RPTOR: variants seen among roughly 807,000 people sequenced by gnomAD.
RPTOR encodes the protein regulatory-associated protein of mTOR.
A neutral mutation model predicts 169.9 loss-of-function variants in RPTOR; 21 were observed. That is an observed-to-expected ratio of 0.12 (90% CI 0.09 to 0.18). The LOEUF (loss-of-function observed/expected upper bound fraction) is 0.18, where lower values mean the gene tolerates loss of function less well. RPTOR is among the 10% of genes least tolerant of loss of function. The pLI, the probability that RPTOR is intolerant of heterozygous loss-of-function variation, is 1.00. For missense variants in RPTOR, 1,133 were observed against 1,855.9 expected (o/e 0.61, Z 7.16); for synonymous variants, 732 against 753.2 (o/e 0.97, Z 0.46).
At chr17:80,674,482 G>T (rs185403155) in intron 3 of RPTOR, among the ~76,000 whole-genome samples, 304 of 152,308 alleles carry the variant, frequency 2.0e-3, no homozygotes, top group Non-Finnish European at 3.2e-3. Flanking sequence ...TTATGGAAGG[G>T]TGGGGTGGAT....
chr17:80,612,318 A>G lies in RPTOR; in HGVS notation c.163-13373A>G, dbSNP rs145872723. Among the ~76,000 whole-genome samples the G allele has an allele frequency of 9.2e-3, 1,404 of 152,180 alleles. 20 individuals carry two copies. Among genetic ancestry groups the G allele is most frequent in the African/African-American group, 0.032 (1,347 of 41,508 alleles). On this transcript the variant is annotated intron_variant, in intron 1 of 33. Transcript: ENST00000306801. ...CTAATTAAAAAATTTTTTTGTAGAG[A>G]CAGGGTCTTGCTGTGTTGCCCAGGC...
At chr17:80,964,156 A>G in intron 33 of RPTOR, 106 bp from the exon 34 acceptor site, 1 of 991,450 alleles carries the variant, frequency 1.0e-6, no homozygotes, top group Non-Finnish European at 1.6e-6. Context: ...GGTTCCTGAG[A>G]CCCCGGCAGG....
intron 1 of RPTOR, among the ~76,000 whole-genome samples, chr17:80,549,111 A>G (rs1294098614): frequency 6.6e-6 from 1 of 152,164 alleles, no homozygotes; most frequent in African/African-American, 2.4e-5. Flanking sequence ...GATTCCTGCC[A>G]TCTTTGTTTT....
At chr17:80,706,733 T>C (rs1204469093) in intron 3 of RPTOR, among the ~76,000 whole-genome samples, 2 of 152,218 alleles carry the variant, frequency 1.3e-5, no homozygotes, top group African/African-American at 4.8e-5. Context: ...CTGTTTGTTT[T>C]TCCCTGTGAC....
intron 3 of RPTOR, among the ~76,000 whole-genome samples, chr17:80,669,915 G>A (rs2143677604): frequency 6.6e-6 from 1 of 152,086 alleles, no homozygotes; most frequent in East Asian, 1.9e-4. Context: ...TGCCTCTTTA[G>A]GCCTGGCCTC....
chr17:80,796,398 C>T (rs1344106842), intron 7 of RPTOR, among the ~76,000 whole-genome samples: 1 of 152,106 alleles, frequency 6.6e-6, no homozygotes, highest in Non-Finnish European at 1.5e-5. Context: ...TTCTGCATGG[C>T]TAGGGAGGCC....
At position 80,885,821 on chromosome 17, in the gene RPTOR, G is replaced by T. The variant is rs149421099; in HGVS notation, c.1983+673G>T. 2.4e-3 allele frequency among the ~76,000 whole-genome samples: 361 copies of T among 152,328 alleles called. 1 individual carries two copies. The highest frequency in any genetic ancestry group is 8.4e-3 in the African/African-American group (351 of 41,576). On this transcript the variant is annotated intron_variant, in intron 17 of 33. Transcript: ENST00000306801. ...CTCCCAAAGTGCTGAGATTACAGGC[G>T]TGAGCCACCGCGCCCGGCCAAAACA...
chr17:80,941,584 C>G (rs1277942557), intron 25 of RPTOR, among the ~76,000 whole-genome samples: 1 of 152,250 alleles, frequency 6.6e-6, no homozygotes, highest in Non-Finnish European at 1.5e-5. Flanking sequence ...GCTGGGGGAC[C>G]TCAAGCTGCC....
At chr17:80,753,714 C>G (rs896864550) in intron 5 of RPTOR, among the ~76,000 whole-genome samples, 1 of 150,994 alleles carries the variant, frequency 6.6e-6, no homozygotes, top group Admixed American at 6.6e-5. Flanking sequence ...GTGATACAAT[C>G]CTGGGGTAAG....
chr17:80,678,712 G>C (rs1300498890), intron 3 of RPTOR, among the ~76,000 whole-genome samples: 2 of 152,212 alleles, frequency 1.3e-5, no homozygotes, highest in Non-Finnish European at 2.9e-5. Flanking sequence ...GTTGTTTGTT[G>C]GTTCTTGGGT....
intron 13 of RPTOR, among the ~76,000 whole-genome samples, chr17:80,877,008 TCGCCTGCTGGG>T: frequency 7.1e-6 from 1 of 141,388 alleles, no homozygotes; most frequent in Non-Finnish European, 1.5e-5. Flanking sequence ...GGTGTGTGTG[TCGCCTGCTGGG>T]TCTTCCCACC....
At chr17:80,903,048 C>G (rs1040434709) in intron 20 of RPTOR, among the ~76,000 whole-genome samples, 1 of 152,240 alleles carries the variant, frequency 6.6e-6, no homozygotes, top group Non-Finnish European at 1.5e-5. Flanking sequence ...CTGCTAGATA[C>G]GGTGACATTT....
chr17:80,962,309 A>G, intron 31 of RPTOR, 152 bp from the exon 32 acceptor site: 1 of 661,586 alleles, frequency 1.5e-6, no homozygotes, highest in Non-Finnish European at 2.7e-6. Context: ...GGCAGCCCTC[A>G]CTGGGGACGC....
intron 23 of RPTOR, among the ~76,000 whole-genome samples, chr17:80,925,138 AC>A (rs1331133657): frequency 1.3e-5 from 2 of 152,174 alleles, no homozygotes; most frequent in Non-Finnish European, 2.9e-5. Flanking sequence ...GGATGGTGGG[AC>A]CGACGTGGCT....
intron 7 of RPTOR, among the ~76,000 whole-genome samples, chr17:80,798,238 C>A (rs1185000452): frequency 6.6e-6 from 1 of 152,164 alleles, no homozygotes. Context: ...TCCCTCCTTA[C>A]AGGGCTGGAA....
chr17:80,958,856 A>T (rs1225470835), intron 29 of RPTOR, among the ~76,000 whole-genome samples: 1 of 152,224 alleles, frequency 6.6e-6, no homozygotes, highest in Non-Finnish European at 1.5e-5. Context: ...CATTGACTTC[A>T]TTTGGAGCAG....
At chr17:80,961,290 G>A in intron 30 of RPTOR, 104 bp from the exon 31 acceptor site, 2 of 1,096,904 alleles carry the variant, frequency 1.8e-6, no homozygotes, top group East Asian at 2.6e-5. Flanking sequence ...AGGGCCTGCG[G>A]ACCCGCTGGC....
chr17:80,686,256 G>A (rs1279011348), intron 3 of RPTOR, among the ~76,000 whole-genome samples: 2 of 150,012 alleles, frequency 1.3e-5, no homozygotes, highest in Non-Finnish European at 1.5e-5. Context: ...GCACGATCTC[G>A]GCTCACTGCA....
chr17:80,917,406 AC>A, intron 21 of RPTOR, among the ~76,000 whole-genome samples: 1 of 152,124 alleles, frequency 6.6e-6, no homozygotes, highest in East Asian at 1.9e-4. Context: ...GAGCCACTGC[AC>A]CCGGCCATGG....
Sources: allele counts gnomAD v4.1 joint callset (sites outside exome capture counted in the v4.1 genomes callset), GRCh38; gene constraint gnomAD v4.1.1; transcripts MANE v1.5; gene names NCBI Gene and HGNC (gene_info 2026-07-23, HGNC 2026-07-21).